ADCY1: variants seen among roughly 807,000 people sequenced by gnomAD.
ADCY1 encodes adenylate cyclase 1.
A neutral mutation model predicts 105.4 loss-of-function variants in ADCY1; 28 were observed. The observed-to-expected ratio is 0.27, with a 90% confidence interval of 0.20 to 0.36. ADCY1 has a LOEUF of 0.36. Ranked by LOEUF, ADCY1 falls within the 10% of genes least tolerant of loss-of-function variation. The probability of loss-of-function intolerance (pLI) is 1.00; values close to 1 mark genes in which losing one functional copy is unlikely to be tolerated. For synonymous variants in ADCY1, 655 were observed against 623.8 expected (o/e 1.05, Z -0.75); for missense variants, 977 against 1,434.2 (o/e 0.68, Z 5.15).
Position 45,610,453 on chromosome 7 carries a change from G to A in ADCY1, c.864G>A (p.Glu288=). Residue 288 remains glutamate, a synonymous_variant, in exon 3 of 20, where the codon GAG becomes GAA. Transcript: ENST00000297323. ...EMKEDFLKPP[E]RIFHKIYIQR... is the part of the protein sequence containing the mutation. ...AGGAGGACTTCCTGAAGCCCCCTGA[G>A]AGGATTTTCCACAAGATTTACATCC... 1 of 1,614,032 alleles carries A rather than the reference G, an allele frequency of 6.2e-7. No individual in the cohort carries two copies.
At chr7:45,629,789 G>T (rs538865841) in intron 4 of ADCY1, among the ~76,000 whole-genome samples, 1 of 152,272 alleles carries the variant, frequency 6.6e-6, no homozygotes, top group Non-Finnish European at 1.5e-5. Flanking sequence ...AAAGTGCTGG[G>T]ATTACAGGCG....
Position 45,690,635 on chromosome 7 carries a change from A to G in ADCY1, c.2454+3962A>G, listed in dbSNP as rs1428317381. Among the ~76,000 whole-genome samples, 5 of 152,160 alleles carry G rather than the reference A, an allele frequency of 3.3e-5. No homozygotes were observed. In the East Asian group the frequency reaches 9.6e-4, roughly 29 times the overall value. Reference sequence around the variant, plus strand: ...GGGGAATGGACTGCAGATACAGCACATACCTGCCCTGGAAGGGAGATCTGG... The same window carrying G: ...GGGGAATGGACTGCAGATACAGCACGTACCTGCCCTGGAAGGGAGATCTGG... On this transcript the variant is annotated intron_variant, in intron 14 of 19. Transcript: ENST00000297323.
chr7:45,641,148 C>T (rs1794515716), intron 4 of ADCY1, among the ~76,000 whole-genome samples: 1 of 152,188 alleles, frequency 6.6e-6, no homozygotes, highest in Non-Finnish European at 1.5e-5. Context: ...TGTGTATTCA[C>T]TTCCATACTT....
chr7:45,575,010 C>T lies in ADCY1; in HGVS notation c.467C>T (p.Pro156Leu). Residue 156 changes from proline (P) to leucine (L), a missense_variant, in exon 1 of 20, where the codon CCA (proline) becomes CTA (leucine). Physicochemically the swap from Pro to Leu is moderately conservative, Grantham distance 98. Coordinates refer to ENST00000297323, the MANE Select transcript of ADCY1 (RefSeq NM_021116.4). This position sits in a 1 kb window ranked among gnomAD's most constrained non-coding sequence, Gnocchi z 4.7. ...GGTTCCGCCGGGGCCGCTGGGGGGC[C>T]AGCGACCGCCGAACAAGGGGTTTGG... The part of the protein sequence containing the change: ...ARGSAGAAGG[P>L]ATAEQGVWQL... The T allele has an allele frequency of 6.2e-7, 1 of 1,611,598 alleles. No individual in the cohort carries two copies. Among genetic ancestry groups the T allele is most frequent in the Non-Finnish European group, 8.5e-7 (1 of 1,179,362 alleles).
At chr7:45,604,797 G>A (rs2115835508) in intron 2 of ADCY1, among the ~76,000 whole-genome samples, 1 of 152,254 alleles carries the variant, frequency 6.6e-6, no homozygotes, top group African/African-American at 2.4e-5. Flanking sequence ...ATTATGTTAA[G>A]TAGTATTATT....
intron 4 of ADCY1, among the ~76,000 whole-genome samples, chr7:45,640,373 C>CA (rs1345917626): frequency 6.6e-6 from 1 of 152,162 alleles, no homozygotes; most frequent in Non-Finnish European, 1.5e-5. Context: ...AAGTTACAGA[C>CA]AAAATCATAA....
chr7:45,574,570 CGGCGGCGGA>C lies in ADCY1; in HGVS notation c.35_43del (p.Gly12_Gly14del). On this transcript the variant is annotated inframe_deletion, in exon 1 of 20. Coordinates refer to ENST00000297323, the MANE Select transcript of ADCY1 (RefSeq NM_021116.4). This position sits in a 1 kb window ranked among gnomAD's most constrained non-coding sequence, Gnocchi z 7.0. Reference sequence around the variant, plus strand: ...TGGCGGGGGCGCCGCGCGGCGGAGGCGGCGGCGGAGGCGGCGCGGGCGAGCCCGGGGGCG... The same window carrying C: ...TGGCGGGGGCGCCGCGCGGCGGAGGCGGCGGCGCGGGCGAGCCCGGGGGCG... 3 of 980,444 alleles carry C rather than the reference CGGCGGCGGA, an allele frequency of 3.1e-6. No individual in the cohort carries two copies. Among genetic ancestry groups the C allele is most frequent in the Non-Finnish European group, 3.6e-6 (3 of 829,128 alleles). The allele number at this position is 980,444 out of a possible 1,614,324, so 60.7% of individuals were successfully genotyped here. A position where few individuals can be genotyped will look rare whatever the true frequency, so the allele number is the denominator to read the frequency against.
At chr7:45,588,328 C>T (rs775727608) in intron 1 of ADCY1, among the ~76,000 whole-genome samples, 10 of 152,136 alleles carry the variant, frequency 6.6e-5, no homozygotes, top group Admixed American at 2.0e-4. Context: ...AATATTTTCT[C>T]TGCCTGAGCC....
chr7:45,576,739 C>T (rs1179324664), intron 1 of ADCY1, among the ~76,000 whole-genome samples: 2 of 152,004 alleles, frequency 1.3e-5, no homozygotes, highest in African/African-American at 4.8e-5. Context: ...CATGCTGGCC[C>T]CCACAGCCAG....
chr7:45,679,386 T>G (rs530144686), intron 10 of ADCY1, among the ~76,000 whole-genome samples: 2 of 152,214 alleles, frequency 1.3e-5, no homozygotes, highest in Non-Finnish European at 2.9e-5. Context: ...AACTCTTGTC[T>G]TTCCATCATG....
chr7:45,691,670 G>C (rs756039823), intron 14 of ADCY1, among the ~76,000 whole-genome samples: 2 of 152,184 alleles, frequency 1.3e-5, no homozygotes, highest in African/African-American at 2.4e-5. Context: ...CAATGTTTAT[G>C]CTATTTAGTA....
chr7:45,612,393 C>T (rs955630801), intron 3 of ADCY1, among the ~76,000 whole-genome samples: 2 of 152,178 alleles, frequency 1.3e-5, no homozygotes, highest in Admixed American at 6.5e-5. Flanking sequence ...CAGTGAGTGG[C>T]AGGCTGGGAC....
chr7:45,721,448 G>A lies in ADCY1; in HGVS notation c.*7453G>A, dbSNP rs1785470062. The A allele has an allele frequency of 2.6e-6, 1 of 385,908 alleles. No individual in the cohort carries two copies. The highest frequency in any genetic ancestry group is 2.1e-5 in the African/African-American group (1 of 48,572). 23.9% of individuals were successfully genotyped at this position (385,908 alleles called of 1,614,324 possible). The stretch of plus-strand genomic sequence containing the variant: ...TCAAATATACAGAATCTCCTTAAGA[G>A]CTGTTGCCTTATTTTTTTGTAAAGC... On this transcript the variant is annotated 3_prime_UTR_variant, in exon 20 of 20. Transcript: ENST00000297323.
chr7:45,590,761 T>A (rs981310141), intron 1 of ADCY1, among the ~76,000 whole-genome samples: 5 of 152,174 alleles, frequency 3.3e-5, no homozygotes, highest in Non-Finnish European at 5.9e-5. Context: ...TCCTATTGGA[T>A]GTCTTGCTGC....
intron 1 of ADCY1, among the ~76,000 whole-genome samples, chr7:45,576,693 C>T (rs1288248037): frequency 6.6e-6 from 1 of 152,098 alleles, no homozygotes. Context: ...CTCCTACTGC[C>T]TCCACCCCCC....
intron 2 of ADCY1, among the ~76,000 whole-genome samples, chr7:45,602,758 T>A (rs897958580): frequency 3.3e-5 from 5 of 152,242 alleles, no homozygotes; most frequent in Non-Finnish European, 7.3e-5. Context: ...CTGAATAAAG[T>A]TCACTCAAAT....
intron 4 of ADCY1, among the ~76,000 whole-genome samples, chr7:45,640,534 G>A (rs1234482045): frequency 1.3e-5 from 2 of 152,110 alleles, no homozygotes; most frequent in Non-Finnish European, 1.5e-5. Flanking sequence ...TTAAAATGTC[G>A]AGGCAACAGA....
chr7:45,603,863 C>T (rs1027125178), intron 2 of ADCY1, among the ~76,000 whole-genome samples: 3 of 152,064 alleles, frequency 2.0e-5, no homozygotes, highest in African/African-American at 7.2e-5. Flanking sequence ...GAGGTTCATC[C>T]ATATTGTTGA....
intron 8 of ADCY1, among the ~76,000 whole-genome samples, chr7:45,673,067 C>T (rs1784394027): frequency 6.6e-6 from 1 of 152,168 alleles, no homozygotes; most frequent in African/African-American, 2.4e-5. Flanking sequence ...TGACTTTCCT[C>T]TTTAACCAGT....
Sources: gnomAD v4.1 joint callset for allele counts (sites outside exome capture counted in the v4.1 genomes callset) on GRCh38, gnomAD v4.1.1 for gene constraint, Gnocchi (gnomAD v3.1) non-coding constraint, MANE v1.5 for transcripts, NCBI Gene and HGNC (gene_info 2026-07-23, HGNC 2026-07-21) for gene names.